NDRG4: variants seen among roughly 807,000 people sequenced by gnomAD.
The protein encoded by NDRG4 is NDRG family member 4, also known as protein NDRG4.
NDRG4 carries 38 observed loss-of-function variants against 55.8 expected under a neutral mutation model. That is an observed-to-expected ratio of 0.68 (90% CI 0.53 to 0.89). The LOEUF is 0.89. Among genes scored for constraint, NDRG4 ranks in the 40% least tolerant of loss-of-function variants. The pLI, the probability that NDRG4 is intolerant of heterozygous loss-of-function variation, is 0.00. For synonymous variants in NDRG4, 190 were observed against 182.7 expected, an observed-to-expected ratio of 1.04 and a Z score of -0.32; for missense variants, 455 against 468.6, an observed-to-expected ratio of 0.97 and a Z score of 0.27.
chr16:58,464,424 C>T lies in NDRG4; in HGVS notation c.-24+627C>T. 2 of 1,367,846 alleles carry T rather than the reference C, an allele frequency of 1.5e-6. No homozygotes were observed. Among genetic ancestry groups the T allele is most frequent in the Non-Finnish European group, 1.9e-6 (2 of 1,063,252 alleles). 84.7% of individuals were successfully genotyped at this position (1,367,846 alleles called of 1,614,324 possible). The stretch of plus-strand genomic sequence containing the variant: ...CCACCCAGAGCCGGGCCGCGCCGGG[C>T]GCCGAGATGAAGGTGCTGGGACACC... On this transcript the variant is annotated intron_variant, in intron 1 of 15. Transcript: ENST00000258187. This position sits in a 1 kb window ranked among gnomAD's most constrained non-coding sequence, Gnocchi z 4.8.
chr16:58,474,538 CCTCT>C (rs908516919), intron 1 of NDRG4, among the ~76,000 whole-genome samples: 1 of 152,030 alleles, frequency 6.6e-6, no homozygotes, highest in African/African-American at 2.4e-5. Context: ...GTTTCACATC[CCTCT>C]CTCTCCCCTC....
chr16:58,490,181 G>A (rs994905685), intron 2 of NDRG4, among the ~76,000 whole-genome samples: 2 of 152,198 alleles, frequency 1.3e-5, no homozygotes, highest in African/African-American at 4.8e-5. Context: ...GAGTTCTCCT[G>A]TGAGGTTTTG....
chr16:58,464,539 G>T lies in NDRG4; in HGVS notation c.-24+742G>T, dbSNP rs1360958477. The T allele has an allele frequency of 2.4e-6, 3 of 1,255,688 alleles. No individual in the cohort carries two copies. Among genetic ancestry groups the T allele is most frequent in the South Asian group, 4.9e-5 (2 of 40,790 alleles). The allele number at this position is 1,255,688 out of a possible 1,614,324, so 77.8% of individuals were successfully genotyped here. A position where few individuals can be genotyped will look rare whatever the true frequency, so the allele number is the denominator to read the frequency against. The stretch of plus-strand genomic sequence containing the variant: ...GCGGACTCCGGGCGCGGCGGCCGGG[G>T]ACTGGGGCGGCTCGGGTCTGAGCAG... On this transcript the variant is annotated intron_variant, in intron 1 of 15. Transcript: ENST00000258187. The surrounding 1 kb of genome is among the most constrained non-coding windows in gnomAD (Gnocchi z 4.8).
At chr16:58,501,397 C>T (rs985293674) in intron 1 of NDRG4, 5 of 261,684 alleles carry the variant, frequency 1.9e-5, no homozygotes, top group African/African-American at 4.4e-5. Flanking sequence ...ACAGCCCCCT[C>T]CCCTGCTGCC....
chr16:58,503,814 C>A lies in NDRG4; in HGVS notation c.38C>A (p.Thr13Lys). The A allele has an allele frequency of 6.2e-7, 1 of 1,613,970 alleles. No individual in the cohort carries two copies. The highest frequency in any genetic ancestry group is 1.7e-5 in the Admixed American group (1 of 60,024). ...ECWDGEHDIE[T>K]PYGLLHVVIR... The stretch of plus-strand genomic sequence containing the variant: ...CCCCTTCAGGAACATGACATCGAGA[C>A]ACCCTACGGCCTTCTGCATGTAGTG... Residue 13 changes from threonine to lysine, a missense_variant, in exon 2 of 15, where the codon ACA becomes AAA. By Grantham distance (78) the Thr-to-Lys change is moderately conservative. Transcript: ENST00000570248.
intron 1 of NDRG4, among the ~76,000 whole-genome samples, chr16:58,479,548 C>G (rs777987307): frequency 2.4e-4 from 37 of 152,160 alleles, no homozygotes; most frequent in Non-Finnish European, 4.0e-4. Context: ...AAAGTTGAAC[C>G]CACTGCCATC....
In NDRG4 at chr16:58,464,334, C is replaced by T. The variant is rs918090632; in HGVS notation, c.-24+537C>T. On this transcript the variant is annotated intron_variant, in intron 1 of 15. Coordinates refer to the NDRG4 transcript ENST00000258187. The surrounding 1 kb of genome is among the most constrained non-coding windows in gnomAD (Gnocchi z 4.8). ...TGCCGCTTCGCTCCGCGCTCTCCTG[C>T]CGCTCCGCTCCGGGTCTCCCGCGCT... is the stretch of plus-strand genomic sequence containing the variant. The T allele has an allele frequency of 2.1e-5, 24 of 1,134,218 alleles. No homozygotes were observed. The highest frequency in any genetic ancestry group is 4.2e-5 in the Admixed American group (1 of 24,082). 70.3% of individuals were successfully genotyped at this position (1,134,218 alleles called of 1,614,324 possible). A position where few individuals can be genotyped will look rare whatever the true frequency, so the allele number is the denominator to read the frequency against.
intron 5 of NDRG4, among the ~76,000 whole-genome samples, chr16:58,505,708 ATT>A (rs869263659): frequency 4.7e-4 from 33 of 70,632 alleles, no homozygotes; most frequent in African/African-American, 2.0e-3. Flanking sequence ...TGAGGGCTTC[ATT>A]TTCTTTTTTT....
intron 1 of NDRG4, among the ~76,000 whole-genome samples, chr16:58,479,827 C>G (rs568257407): frequency 2.6e-5 from 4 of 152,310 alleles, no homozygotes; most frequent in Non-Finnish European, 5.9e-5. Flanking sequence ...CATTGTTTCA[C>G]GTGCATTTCT....
intron 2 of NDRG4, among the ~76,000 whole-genome samples, chr16:58,488,567 G>A (rs376951157): frequency 1.3e-5 from 2 of 152,020 alleles, no homozygotes; most frequent in Non-Finnish European, 2.9e-5. Flanking sequence ...TATGCTGCCC[G>A]GACCCCCTTC....
intron 1 of NDRG4, among the ~76,000 whole-genome samples, chr16:58,486,490 T>C (rs1206025059): frequency 6.6e-6 from 1 of 152,134 alleles, no homozygotes; most frequent in Non-Finnish European, 1.5e-5. Flanking sequence ...AATTTAAATT[T>C]CTTTGACTTC....
intron 2 of NDRG4, 43 bp downstream of exon 2, chr16:58,503,946 T>G (rs981942542): frequency 6.2e-7 from 1 of 1,603,070 alleles, no homozygotes; most frequent in Admixed American, 1.7e-5. Flanking sequence ...CTGCCTCCCA[T>G]CAGCCAGAGC....
At chr16:58,488,638 C>G (rs765040934) in intron 2 of NDRG4, among the ~76,000 whole-genome samples, 10 of 151,988 alleles carry the variant, frequency 6.6e-5, no homozygotes, top group Middle Eastern at 3.2e-3. Context: ...TGTAGTCTGC[C>G]CTGCCCTGCC....
intron 1 of NDRG4, among the ~76,000 whole-genome samples, chr16:58,477,778 G>T (rs2033871625): frequency 2.6e-5 from 4 of 151,400 alleles, no homozygotes; most frequent in African/African-American, 9.7e-5. Context: ...GGTAAGGGGG[G>T]TGGAGGGGGT....
Position 58,464,377 on chromosome 16 carries a change from C to A in NDRG4, c.-24+580C>A. 1.5e-6 allele frequency: 2 copies of A among 1,362,372 alleles called. No individual in the cohort carries two copies. Among genetic ancestry groups the A allele is most frequent in the Non-Finnish European group, 1.9e-6 (2 of 1,061,462 alleles). The allele number at this position is 1,362,372 out of a possible 1,614,324, so 84.4% of individuals were successfully genotyped here. A position where few individuals can be genotyped will look rare whatever the true frequency, so the allele number is the denominator to read the frequency against. On this transcript the variant is annotated intron_variant, in intron 1 of 15. Transcript: ENST00000258187. This position sits in a 1 kb window ranked among gnomAD's most constrained non-coding sequence, Gnocchi z 4.8. ...CCCGCGCTCCTCTCCCCGGCTCGGC[C>A]GAGCGCGCTGCCCCGACGCCGCCAC...
chr16:58,465,939 C>T (rs2031573629), intron 1 of NDRG4, among the ~76,000 whole-genome samples: 1 of 152,182 alleles, frequency 6.6e-6, no homozygotes, highest in Non-Finnish European at 1.5e-5. Flanking sequence ...CCAGCTCACC[C>T]AACTTGGAAG....
intron 1 of NDRG4, among the ~76,000 whole-genome samples, chr16:58,477,995 T>C (rs2033903286): frequency 6.6e-6 from 1 of 152,218 alleles, no homozygotes; most frequent in Non-Finnish European, 1.5e-5. Flanking sequence ...CCTTCTGTCG[T>C]ATTCTTGCCA....
intron 12 of NDRG4, 23 bp from the exon 13 acceptor site, chr16:58,509,278 T>G: frequency 6.2e-7 from 1 of 1,614,018 alleles, no homozygotes; most frequent in Admixed American, 1.7e-5. Context: ...AATGAAAGCA[T>G]GTGCTTGTCC....
chr16:58,507,484 T>G, intron 8 of NDRG4: 1 of 391,234 alleles, frequency 2.6e-6, no homozygotes, highest in Non-Finnish European at 4.3e-6. Context: ...GCTGTGTGCA[T>G]GGTGCTAAGA....
Sources: allele counts gnomAD v4.1 joint callset (sites outside exome capture counted in the v4.1 genomes callset), GRCh38; gene constraint gnomAD v4.1.1; non-coding constraint Gnocchi (gnomAD v3.1); transcripts MANE v1.5; gene names NCBI Gene and HGNC (gene_info 2026-07-23, HGNC 2026-07-21).